Variants in WDR25 observed in about 807,000 individuals in gnomAD.
WDR25 encodes WD repeat domain 25.
Under a neutral mutation model 47.7 loss-of-function variants are expected in WDR25, and 35 were observed. That is an observed-to-expected ratio of 0.73 (90% CI 0.56 to 0.97). WDR25 has a LOEUF of 0.97. Ranked by LOEUF, WDR25 falls within the 50% of genes least tolerant of loss-of-function variation. The pLI, the probability that WDR25 is intolerant of heterozygous loss-of-function variation, is 0.00. For synonymous variants in WDR25, 248 were observed against 278.9 expected (o/e 0.89, Z 1.10); for missense variants, 634 against 704.7 (o/e 0.90, Z 1.14).
chr14:100,464,102 C>T (rs562767632), intron 2 of WDR25, among the ~76,000 whole-genome samples: 48 of 152,294 alleles, frequency 3.2e-4, no homozygotes, highest in African/African-American at 7.9e-4. Flanking sequence ...TGTGGTTTTC[C>T]GACTTCATCC....
At chr14:100,377,071 T>G (rs1409002344) in intron 1 of WDR25, among the ~76,000 whole-genome samples, 1 of 152,190 alleles carries the variant, frequency 6.6e-6, no homozygotes. Context: ...GTTTAATCCC[T>G]CATCTCCTTC....
At chr14:100,477,328 G>A (rs917736501) in intron 3 of WDR25, among the ~76,000 whole-genome samples, 1 of 152,164 alleles carries the variant, frequency 6.6e-6, no homozygotes, top group African/African-American at 2.4e-5. Flanking sequence ...GAAAATAAGT[G>A]ATTTTTCCTA....
intron 4 of WDR25, among the ~76,000 whole-genome samples, chr14:100,489,187 G>A (rs1900482917): frequency 6.6e-6 from 1 of 152,248 alleles, no homozygotes; most frequent in African/African-American, 2.4e-5. Flanking sequence ...GAGATATGGT[G>A]TGGCCATCAA....
At chr14:100,471,713 A>G (rs976677274) in intron 3 of WDR25, among the ~76,000 whole-genome samples, 5 of 152,188 alleles carry the variant, frequency 3.3e-5, no homozygotes, top group Admixed American at 1.3e-4. Context: ...GGTGTCCTCA[A>G]TCAATACAGT....
At chr14:100,522,692 T>A (rs949797440) in intron 4 of WDR25, among the ~76,000 whole-genome samples, 3 of 152,184 alleles carry the variant, frequency 2.0e-5, no homozygotes, top group African/African-American at 7.2e-5. Flanking sequence ...TTGTTACCCC[T>A]ACTTTACAGA....
chr14:100,400,337 C>T (rs1027384215), intron 2 of WDR25, among the ~76,000 whole-genome samples: 3 of 152,212 alleles, frequency 2.0e-5, no homozygotes, highest in African/African-American at 4.8e-5. Context: ...GGGCTGTTGG[C>T]GCCTGGTCCT....
intron 4 of WDR25, among the ~76,000 whole-genome samples, chr14:100,494,626 G>T (rs898762299): frequency 1.3e-5 from 2 of 152,234 alleles, no homozygotes; most frequent in African/African-American, 4.8e-5. Context: ...CTTCTGGACT[G>T]TGAGCTCACA....
At position 100,484,033 on chromosome 14, in the gene WDR25, C is replaced by G; in HGVS notation, c.1010C>G (p.Thr337Ser). ...LFSGRSDFRITTLKFHPKDHN... is the reference protein window; with the variant it reads ...LFSGRSDFRISTLKFHPKDHN... ...AGTGGTCGAAGTGACTTTAGAATCA[C>G]TACCTTGAAATTCCATCCAAAAGAC... is the stretch of plus-strand genomic sequence containing the variant. Residue 337 changes from threonine (T) to serine (S), a missense_variant, in exon 4 of 7, where the codon ACT becomes AGT. Thr to Ser is a moderately conservative substitution (Grantham distance 58). Coordinates refer to ENST00000402312, the MANE Select transcript of WDR25 (RefSeq NM_001161476.3). The G allele has an allele frequency of 6.2e-7, 1 of 1,613,810 alleles. No homozygotes were observed.
At chr14:100,438,090 A>G (rs1595088722) in intron 2 of WDR25, among the ~76,000 whole-genome samples, 1 of 152,358 alleles carries the variant, frequency 6.6e-6, no homozygotes, top group Admixed American at 6.5e-5. Context: ...TATTATTCTC[A>G]TGATTATGTA....
At chr14:100,431,720 T>C (rs565660700) in intron 2 of WDR25, among the ~76,000 whole-genome samples, 3 of 151,768 alleles carry the variant, frequency 2.0e-5, no homozygotes, top group Non-Finnish European at 4.4e-5. Context: ...CTAATTTTTT[T>C]TTTTTTTGAG....
chr14:100,457,355 C>T (rs1244673205), intron 2 of WDR25, among the ~76,000 whole-genome samples: 1 of 152,172 alleles, frequency 6.6e-6, no homozygotes, highest in African/African-American at 2.4e-5. Flanking sequence ...CGAGAGTGAC[C>T]TGAACTTCTC....
rs1208897562 is a variant in WDR25 at position 100,498,254 on chromosome 14, G to A, written c.1101+14130G>A. The stretch of plus-strand genomic sequence containing the variant: ...TGCTTGGTGCTTCTCTGCAAATCTG[G>A]CGCGGAGGCTGCGGAGGGAGATGGA... On this transcript the variant is annotated intron_variant, in intron 4 of 6. Coordinates refer to ENST00000402312, the MANE Select transcript of WDR25 (RefSeq NM_001161476.3). The surrounding 1 kb of genome is among the most constrained non-coding windows in gnomAD (Gnocchi z 4.2). Among the ~76,000 whole-genome samples, 1 of 152,158 alleles carries A rather than the reference G, an allele frequency of 6.6e-6. No homozygotes were observed. The highest frequency in any genetic ancestry group is 1.5e-5 in the Non-Finnish European group (1 of 68,026).
chr14:100,450,860 G>T (rs1055560004), intron 2 of WDR25, among the ~76,000 whole-genome samples: 2 of 152,212 alleles, frequency 1.3e-5, no homozygotes, highest in Non-Finnish European at 2.9e-5. Flanking sequence ...CCTGTGGCTT[G>T]AGGAAAGATG....
chr14:100,381,837 CT>C (rs903320233), intron 2 of WDR25, 91 bp downstream of exon 2: 146 of 1,098,792 alleles, frequency 1.3e-4, no homozygotes, highest in Non-Finnish European at 1.5e-4. Flanking sequence ...ACAGGCTGAA[CT>C]TTTTTTTGTG....
At position 100,468,260 on chromosome 14, in the gene WDR25, G is replaced by C; in HGVS notation, c.970+92G>C. The C allele has an allele frequency of 1.3e-6, 2 of 1,513,748 alleles. No homozygotes were observed. The highest frequency in any genetic ancestry group is 1.8e-6 in the Non-Finnish European group (2 of 1,130,906). The allele number at this position is 1,513,748 out of a possible 1,614,324, so 93.8% of individuals were successfully genotyped here. The stretch of plus-strand genomic sequence containing the variant: ...GGGCACGCAGCCACAAGCTGTATAC[G>C]CTTGCGTGGCAGAGGGAGAGGGGCC... On this transcript the variant is annotated intron_variant, in intron 3 of 6. Coordinates refer to ENST00000402312, the MANE Select transcript of WDR25 (RefSeq NM_001161476.3). The surrounding 1 kb of genome is among the most constrained non-coding windows in gnomAD (Gnocchi z 4.5).
At position 100,529,980 on chromosome 14, in the gene WDR25, C is replaced by T; in HGVS notation, c.1574C>T (p.Pro525Leu). ...TQACVGTTYH[P>L]VLPSVLATCS... ...GCCTGTGTCGGCACCACCTATCACC[C>T]CGTGCTGCCCTCCGTCCTCGCCACC... Residue 525 changes from proline (P) to leucine (L), a missense_variant, in exon 7 of 7, where the codon CCC (proline) becomes CTC (leucine). Coordinates refer to ENST00000402312, the MANE Select transcript of WDR25 (RefSeq NM_001161476.3). This position sits in a 1 kb window ranked among gnomAD's most constrained non-coding sequence, Gnocchi z 5.1. The T allele has an allele frequency of 1.9e-6, 3 of 1,613,464 alleles. No homozygotes were observed. The highest frequency in any genetic ancestry group is 2.5e-6 in the Non-Finnish European group (3 of 1,179,976).
At position 100,419,333 on chromosome 14, in the gene WDR25, C is replaced by T. The variant is rs868626103; in HGVS notation, c.822+37587C>T. Among the ~76,000 whole-genome samples, 11 of 152,212 alleles carry T rather than the reference C, an allele frequency of 7.2e-5. No individual in the cohort carries two copies. In the South Asian group the frequency reaches 8.3e-4, roughly 12 times the overall value. ...TTTCTTCCTTCTCCTGCTGTCTACC[C>T]TGTGATGTGATAGCTTTCTCGGGGA... is the stretch of plus-strand genomic sequence containing the variant. On this transcript the variant is annotated intron_variant, in intron 2 of 6. Coordinates refer to ENST00000402312, the MANE Select transcript of WDR25 (RefSeq NM_001161476.3).
chr14:100,529,424 G>A lies in WDR25; in HGVS notation c.1413+216G>A, dbSNP rs1308352859. 2.9e-6 allele frequency: 2 copies of A among 700,146 alleles called. No individual in the cohort carries two copies. Among genetic ancestry groups the A allele is most frequent in the Admixed American group, 5.9e-5 (2 of 34,060 alleles). 43.4% of individuals were successfully genotyped at this position (700,146 alleles called of 1,614,324 possible). A position where few individuals can be genotyped will look rare whatever the true frequency, so the allele number is the denominator to read the frequency against. ...GGCCCCACGTACTGGGCAGGAAGCAGTAGTTGGCTCACACAGACAGGTCTC... is the reference window on the plus strand; with the variant it reads ...GGCCCCACGTACTGGGCAGGAAGCAATAGTTGGCTCACACAGACAGGTCTC... On this transcript the variant is annotated intron_variant, in intron 6 of 6. Transcript: ENST00000402312. This position sits in a 1 kb window ranked among gnomAD's most constrained non-coding sequence, Gnocchi z 5.1.
At chr14:100,396,693 T>C (rs941284689) in intron 2 of WDR25, among the ~76,000 whole-genome samples, 1 of 152,170 alleles carries the variant, frequency 6.6e-6, no homozygotes, top group Non-Finnish European at 1.5e-5. Context: ...GAGATGAAGA[T>C]CATAGGAGAG....
Sources: allele counts gnomAD v4.1 joint callset (sites outside exome capture counted in the v4.1 genomes callset), GRCh38; gene constraint gnomAD v4.1.1; non-coding constraint Gnocchi (gnomAD v3.1); transcripts MANE v1.5; gene names NCBI Gene and HGNC (gene_info 2026-07-23, HGNC 2026-07-21).